HEATR5A: variants seen among roughly 807,000 people sequenced by gnomAD.
HEATR5A encodes HEAT repeat containing 5A, also known as HEAT repeat-containing protein 5A.
A neutral mutation model predicts 218.8 loss-of-function variants in HEATR5A; 178 were observed. The observed-to-expected ratio is 0.81, with a 90% confidence interval of 0.72 to 0.92. HEATR5A has a LOEUF of 0.92. Ranked by LOEUF, HEATR5A falls within the 40% of genes least tolerant of loss-of-function variation. The pLI is 0.00. For missense variants in HEATR5A, 2,420 were observed against 2,418.9 expected (o/e 1.00, Z -0.01); for synonymous variants, 864 against 871.6 (o/e 0.99, Z 0.15).
intron 11 of HEATR5A, 26 bp from the exon 12 acceptor site, chr14:31,374,994 G>A: frequency 6.4e-7 from 1 of 1,570,508 alleles, no homozygotes; most frequent in East Asian, 2.3e-5. Flanking sequence ...CTTGTCACTT[G>A]TAAGAGAATC....
chr14:31,359,401 T>C (rs1901540720), intron 14 of HEATR5A, among the ~76,000 whole-genome samples: 1 of 151,914 alleles, frequency 6.6e-6, no homozygotes, highest in Admixed American at 6.6e-5. Context: ...AGATATGTTT[T>C]TTAAAAAAGC....
chr14:31,346,432 G>C (rs2139209851), intron 19 of HEATR5A, among the ~76,000 whole-genome samples: 1 of 152,266 alleles, frequency 6.6e-6, no homozygotes, highest in East Asian at 1.9e-4. Context: ...TTCAGAGGGG[G>C]AAAGCTAACT....
intron 21 of HEATR5A, among the ~76,000 whole-genome samples, chr14:31,343,031 C>G (rs1270325227): frequency 1.3e-5 from 2 of 151,788 alleles, no homozygotes; most frequent in Non-Finnish European, 2.9e-5. Context: ...ATTTATAATT[C>G]CAAATGCAAC....
chr14:31,296,079 C>G lies in HEATR5A; in HGVS notation c.5465-16G>C. ...GTTTCATCAACTAAAGAGAAATGCT[C>G]TATTAGAAACAGTTCATATTTACTG... On this transcript the variant is annotated splice_polypyrimidine_tract_variant and intron_variant, in intron 33 of 35. Coordinates refer to ENST00000543095, the MANE Select transcript of HEATR5A (RefSeq NM_015473.4). The G allele has an allele frequency of 6.2e-7, 1 of 1,607,980 alleles. No individual in the cohort carries two copies. The highest frequency in any genetic ancestry group is 1.7e-4 in the Middle Eastern group (1 of 6,032).
intron 10 of HEATR5A, among the ~76,000 whole-genome samples, chr14:31,382,650 A>G (rs904260046): frequency 5.3e-5 from 8 of 151,782 alleles, no homozygotes; most frequent in African/African-American, 1.9e-4. Context: ...AAACTGGGTT[A>G]TTTATTCACT....
At chr14:31,410,511 C>T (rs757252220) in intron 1 of HEATR5A, among the ~76,000 whole-genome samples, 1 of 152,182 alleles carries the variant, frequency 6.6e-6, no homozygotes, top group Non-Finnish European at 1.5e-5. Context: ...GAGCATTAGG[C>T]CACACTTGAG....
rs1313026900 is a variant in HEATR5A, at chr14:31,361,077, G to T, written c.2072-2020C>A. ...TTACAGGTAAGGAAACAGGAACAGG[G>T]AATTTATTACTTGCCAGAGATCATA... On this transcript the variant is annotated intron_variant, in intron 14 of 35. Coordinates refer to ENST00000543095, the MANE Select transcript of HEATR5A (RefSeq NM_015473.4). Among the ~76,000 whole-genome samples the T allele has an allele frequency of 3.1e-4, 47 of 152,138 alleles. 2 individuals carry two copies. The highest frequency in any genetic ancestry group is 2.9e-3 in the Admixed American group (45 of 15,260).
At chr14:31,398,574 A>C in intron 4 of HEATR5A, 99 bp downstream of exon 4, 1 of 621,304 alleles carries the variant, frequency 1.6e-6, no homozygotes, top group South Asian at 2.2e-5. Context: ...TCATATCTAC[A>C]TATGCTTGAC....
chr14:31,313,085 G>C lies in HEATR5A; in HGVS notation c.4324C>G (p.Leu1442Val). The change falls in exon 28 of 36, where the codon CTG becomes GTG. Residue 1442 changes from leucine to valine, a missense_variant. Physicochemically the swap from Leu to Val is conservative, Grantham distance 32 (BLOSUM62 1). Coordinates refer to ENST00000543095, the MANE Select transcript of HEATR5A (RefSeq NM_015473.4). ...IRNGSCSSDGLLDLVYADLGT... is the reference protein window; with the variant it reads ...IRNGSCSSDGVLDLVYADLGT... ...AGATCTGCATAGACTAAGTCAAGCA[G>C]TCCATCTGATGAACATGATCCATTT... 1 of 1,613,692 alleles carries C rather than the reference G, an allele frequency of 6.2e-7. No individual in the cohort carries two copies. The highest frequency in any genetic ancestry group is 8.5e-7 in the Non-Finnish European group (1 of 1,179,604).
chr14:31,400,209 T>C (rs2030819687), intron 3 of HEATR5A, 92 bp downstream of exon 3: 6 of 766,386 alleles, frequency 7.8e-6, no homozygotes, highest in South Asian at 4.5e-5. Flanking sequence ...TGCATTCAGT[T>C]TCAAAGTAAA....
chr14:31,379,785 C>A (rs2029908910), intron 11 of HEATR5A, among the ~76,000 whole-genome samples: 1 of 152,080 alleles, frequency 6.6e-6, no homozygotes, highest in African/African-American at 2.4e-5. Flanking sequence ...GAGACCCCAT[C>A]TCTACAAAAA....
At chr14:31,351,823 T>C (rs1034773547) in intron 16 of HEATR5A, among the ~76,000 whole-genome samples, 1 of 151,764 alleles carries the variant, frequency 6.6e-6, no homozygotes, top group African/African-American at 2.4e-5. Flanking sequence ...CTATGTTGCT[T>C]AGGCTGGTCT....
Position 31,384,558 on chromosome 14 carries a change from G to C in HEATR5A, c.1346-787C>G, listed in dbSNP as rs982601313. 8.3e-5 allele frequency among the ~76,000 whole-genome samples: 11 copies of C among 133,152 alleles called. No individual in the cohort carries two copies. The Middle Eastern group carries it at 0.014, about 168-fold the overall frequency. 87.4% of individuals were successfully genotyped at this position (133,152 alleles called of 152,430 possible). On this transcript the variant is annotated intron_variant, in intron 9 of 35. Coordinates refer to ENST00000543095, the MANE Select transcript of HEATR5A (RefSeq NM_015473.4). ...TTTTTTTTTTTTGAGATAGCATCTTGCTCTGTCACCCAGGCTGGAATGCAG... is the reference window on the plus strand; with the variant it reads ...TTTTTTTTTTTTGAGATAGCATCTTCCTCTGTCACCCAGGCTGGAATGCAG...
chr14:31,296,117 G>A (rs1421185103), intron 33 of HEATR5A, 54 bp from the exon 34 acceptor site: 1 of 1,433,192 alleles, frequency 7.0e-7, no homozygotes, highest in South Asian at 1.2e-5. Context: ...TTATATACCT[G>A]TGTGAAGCTG....
intron 31 of HEATR5A, among the ~76,000 whole-genome samples, chr14:31,306,196 G>A (rs894045367): frequency 6.6e-6 from 1 of 152,308 alleles, no homozygotes; most frequent in Admixed American, 6.5e-5. Flanking sequence ...AACCATGCCA[G>A]GCTAGGCATG....
At position 31,347,910 on chromosome 14, in the gene HEATR5A, G is replaced by A; in HGVS notation, c.2709-3C>T. On this transcript the variant is annotated splice_region_variant and splice_polypyrimidine_tract_variant and intron_variant, in intron 18 of 35. Coordinates refer to ENST00000543095, the MANE Select transcript of HEATR5A (RefSeq NM_015473.4). Reference sequence around the variant, plus strand: ...CCACATCCCTTGCTGATTTCAATCTGTAAATATAAAAATAAAAATAAACGG... The same window carrying A: ...CCACATCCCTTGCTGATTTCAATCTATAAATATAAAAATAAAAATAAACGG... The A allele has an allele frequency of 6.8e-7, 1 of 1,466,834 alleles. No individual in the cohort carries two copies. Among genetic ancestry groups the A allele is most frequent in the Non-Finnish European group, 9.0e-7 (1 of 1,105,742 alleles). The allele number at this position is 1,466,834 out of a possible 1,614,324, so 90.9% of individuals were successfully genotyped here.
At chr14:31,326,532 T>C (rs1450147101) in intron 22 of HEATR5A, among the ~76,000 whole-genome samples, 190 bp from the exon 23 acceptor site, 1 of 152,230 alleles carries the variant, frequency 6.6e-6, no homozygotes, top group Non-Finnish European at 1.5e-5. Context: ...TGATCCTATA[T>C]AGCAGTATTT....
intron 21 of HEATR5A, among the ~76,000 whole-genome samples, chr14:31,343,320 T>C (rs1330967197): frequency 6.6e-6 from 1 of 152,136 alleles, no homozygotes; most frequent in Non-Finnish European, 1.5e-5. Flanking sequence ...CTGCCCACCT[T>C]GGCCTCCCAA....
At chr14:31,294,360 C>T (rs2139116627) in intron 34 of HEATR5A, among the ~76,000 whole-genome samples, 1 of 151,836 alleles carries the variant, frequency 6.6e-6, no homozygotes, top group South Asian at 2.1e-4. Flanking sequence ...TCTCTAATTC[C>T]CATTTTCCCC....
Sources: allele counts gnomAD v4.1 joint callset (sites outside exome capture counted in the v4.1 genomes callset), GRCh38; gene constraint gnomAD v4.1.1; transcripts MANE v1.5; gene names NCBI Gene and HGNC (gene_info 2026-07-23, HGNC 2026-07-21).